The following ITGA9 variants were observed in gnomAD, a reference collection of about 807,000 sequenced individuals.
ITGA9 encodes integrin subunit alpha 9, also known as integrin alpha-9.
Under a neutral mutation model 127.8 loss-of-function variants are expected in ITGA9, and 56 were observed. The observed-to-expected ratio is 0.44, with a 90% CI of 0.35 to 0.55. The LOEUF is 0.55. ITGA9 is among the 20% of genes least tolerant of loss of function. The probability of loss-of-function intolerance (pLI) is 0.00; values close to 1 mark genes in which losing one functional copy is unlikely to be tolerated. For missense variants in ITGA9, 1,196 were observed against 1,347.1 expected (o/e 0.89, Z 1.76); for synonymous variants, 508 against 514.5 (o/e 0.99, Z 0.17).
At chr3:37,759,912 A>G (rs187429274) in intron 23 of ITGA9, among the ~76,000 whole-genome samples, 1 of 151,254 alleles carries the variant, frequency 6.6e-6, no homozygotes, top group Non-Finnish European at 1.5e-5. Context: ...TCAAAAAAAA[A>G]ACAACAAATA....
chr3:37,584,622 G>A (rs1699740323), intron 15 of ITGA9, among the ~76,000 whole-genome samples: 1 of 152,086 alleles, frequency 6.6e-6, no homozygotes, highest in Non-Finnish European at 1.5e-5. Flanking sequence ...GGGCATGGTG[G>A]CATGTATCTG....
chr3:37,589,484 T>A (rs1342444690), intron 15 of ITGA9, among the ~76,000 whole-genome samples: 1 of 151,598 alleles, frequency 6.6e-6, no homozygotes, highest in Non-Finnish European at 1.5e-5. Flanking sequence ...GAATATAGAG[T>A]ATGGAAACAC....
intron 26 of ITGA9, among the ~76,000 whole-genome samples, chr3:37,797,346 C>A (rs76136004): frequency 0.038 from 5,760 of 152,098 alleles, 143 homozygotes; most frequent in Middle Eastern, 0.058. Context: ...CAGAGTGAGA[C>A]CCTGTCTCCA....
At chr3:37,673,511 C>T (rs1456809876) in intron 17 of ITGA9, among the ~76,000 whole-genome samples, 1 of 152,168 alleles carries the variant, frequency 6.6e-6, no homozygotes, top group Non-Finnish European at 1.5e-5. Context: ...GCTACTTCTC[C>T]TCCACCGTCT....
intron 1 of ITGA9, among the ~76,000 whole-genome samples, chr3:37,465,127 G>C (rs1012473183): frequency 6.6e-6 from 1 of 152,218 alleles, no homozygotes; most frequent in East Asian, 1.9e-4. Flanking sequence ...AATTTTGCCT[G>C]TGGAATCGCT....
chr3:37,722,470 C>A (rs1405347758), intron 18 of ITGA9, among the ~76,000 whole-genome samples: 1 of 152,210 alleles, frequency 6.6e-6, no homozygotes, highest in South Asian at 2.1e-4. Flanking sequence ...TACCCCTTCC[C>A]CTATTTCCAC....
chr3:37,714,463 C>T (rs1279427540), intron 18 of ITGA9, among the ~76,000 whole-genome samples: 1 of 152,180 alleles, frequency 6.6e-6, no homozygotes, highest in Non-Finnish European at 1.5e-5. Flanking sequence ...GCAACGGGCC[C>T]TGCAGACTTC....
chr3:37,578,217 G>T (rs1699671631), intron 15 of ITGA9, among the ~76,000 whole-genome samples: 1 of 152,158 alleles, frequency 6.6e-6, no homozygotes, highest in African/African-American at 2.4e-5. Flanking sequence ...GGAAAGAAAG[G>T]TTTGATTTTG....
intron 15 of ITGA9, among the ~76,000 whole-genome samples, chr3:37,572,193 CTTG>C (rs1415418197): frequency 6.6e-6 from 1 of 152,054 alleles, no homozygotes; most frequent in Non-Finnish European, 1.5e-5. Context: ...AACAGAAAAC[CTTG>C]TTTTTTTCCT....
At chr3:37,788,476 C>T (rs1697067427) in intron 26 of ITGA9, among the ~76,000 whole-genome samples, 1 of 151,936 alleles carries the variant, frequency 6.6e-6, no homozygotes, top group Non-Finnish European at 1.5e-5. Flanking sequence ...AAATGTAGTA[C>T]ATTTATCTTC....
intron 18 of ITGA9, among the ~76,000 whole-genome samples, chr3:37,725,878 G>A (rs1280787565): frequency 6.6e-6 from 1 of 152,226 alleles, no homozygotes; most frequent in Non-Finnish European, 1.5e-5. Flanking sequence ...GTATATATCT[G>A]AGCCAATAAT....
intron 18 of ITGA9, among the ~76,000 whole-genome samples, chr3:37,687,239 A>C (rs1222746278): frequency 1.3e-5 from 2 of 152,360 alleles, no homozygotes; most frequent in African/African-American, 4.8e-5. Flanking sequence ...GAAATGTTAC[A>C]ATGAAACCAG....
At chr3:37,641,827 A>G (rs974826187) in intron 16 of ITGA9, among the ~76,000 whole-genome samples, 4 of 152,142 alleles carry the variant, frequency 2.6e-5, no homozygotes, top group Admixed American at 6.5e-5. Flanking sequence ...CCTCATCTAG[A>G]AAGCACTTTG....
intron 3 of ITGA9, among the ~76,000 whole-genome samples, chr3:37,477,834 A>G (rs1698509332): frequency 6.6e-6 from 1 of 152,150 alleles, no homozygotes; most frequent in African/African-American, 2.4e-5. Context: ...GTGCAGAAGC[A>G]GTATTCTCTG....
At chr3:37,558,195 GTT>G (rs1699449455) in intron 15 of ITGA9, among the ~76,000 whole-genome samples, 1 of 152,200 alleles carries the variant, frequency 6.6e-6, no homozygotes, top group Admixed American at 6.5e-5. Flanking sequence ...CTGCACTTCT[GTT>G]TGATCTTCCC....
intron 14 of ITGA9, among the ~76,000 whole-genome samples, chr3:37,537,323 A>C (rs1412399735): frequency 8.7e-6 from 1 of 115,258 alleles, no homozygotes; most frequent in Admixed American, 9.8e-5. Context: ...GGGAGGAAGG[A>C]GCGAGTTCCT....
At chr3:37,606,926 T>G (rs2125623660) in intron 15 of ITGA9, among the ~76,000 whole-genome samples, 1 of 151,330 alleles carries the variant, frequency 6.6e-6, no homozygotes, top group South Asian at 2.1e-4. Context: ...TTGACACATC[T>G]TGGCTTGTGT....
At chr3:37,664,919 T>G (rs940190499) in intron 17 of ITGA9, among the ~76,000 whole-genome samples, 1 of 151,736 alleles carries the variant, frequency 6.6e-6, no homozygotes, top group Non-Finnish European at 1.5e-5. Context: ...CTTCATTGTC[T>G]GCACCAGCTC....
At chr3:37,455,843 C>T (rs1412463923) in intron 1 of ITGA9, among the ~76,000 whole-genome samples, 1 of 152,208 alleles carries the variant, frequency 6.6e-6, no homozygotes, top group Non-Finnish European at 1.5e-5. Context: ...AGCACGGACT[C>T]TGCAGGCGGC....
Sources: allele counts gnomAD v4.1 joint callset (sites outside exome capture counted in the v4.1 genomes callset), GRCh38; gene constraint gnomAD v4.1.1; transcripts MANE v1.5; gene names NCBI Gene and HGNC (gene_info 2026-07-23, HGNC 2026-07-21).